The following LPAR1 variants were observed in gnomAD, a reference collection of about 807,000 sequenced individuals.
LPAR1 encodes lysophosphatidic acid receptor 1, also known as LPA receptor 1.
LPAR1 carries 5 observed loss-of-function variants against 23.8 expected under a neutral mutation model. The ratio of observed to expected loss-of-function variants is 0.21; its 90% confidence interval spans 0.11 to 0.44. The LOEUF (loss-of-function observed/expected upper bound fraction) is 0.44, where lower values mean the gene tolerates loss of function less well. Among genes scored for constraint, LPAR1 ranks in the 20% least tolerant of loss-of-function variants. The pLI is 0.99. For missense variants in LPAR1, 311 were observed against 482.8 expected (o/e 0.64, Z 3.33); for synonymous variants, 160 against 164.7 (o/e 0.97, Z 0.22).
chr9:110,876,262 T>A (rs900601911), intron 5 of LPAR1, among the ~76,000 whole-genome samples: 1 of 152,224 alleles, frequency 6.6e-6, no homozygotes, highest in Non-Finnish European at 1.5e-5. Context: ...TTACACCTCA[T>A]AAGGTTTGTT....
At chr9:110,995,718 C>A (rs962996161) in intron 2 of LPAR1, among the ~76,000 whole-genome samples, 13 of 152,228 alleles carry the variant, frequency 8.5e-5, no homozygotes, top group Middle Eastern at 3.4e-3. Context: ...AATAGCATCT[C>A]AAATGTTACC....
At chr9:110,929,697 A>AGT (rs2094267297) in intron 5 of LPAR1, among the ~76,000 whole-genome samples, 1 of 121,254 alleles carries the variant, frequency 8.2e-6, no homozygotes, top group East Asian at 2.2e-4. Flanking sequence ...CCCAGCCAAT[A>AGT]ATGTGTGTGT....
chr9:110,952,785 C>T (rs2095610912), intron 4 of LPAR1, among the ~76,000 whole-genome samples: 1 of 152,166 alleles, frequency 6.6e-6, no homozygotes, highest in Non-Finnish European at 1.5e-5. Flanking sequence ...AGGATCACCC[C>T]GCCCCTGCCT....
At chr9:111,036,704 C>T (rs1387089031) in intron 1 of LPAR1, among the ~76,000 whole-genome samples, 2 of 152,202 alleles carry the variant, frequency 1.3e-5, no homozygotes, top group African/African-American at 2.4e-5. Context: ...GACAACCCAG[C>T]CTTCCCTCCT....
chr9:111,025,782 A>G (rs539918842), intron 2 of LPAR1, among the ~76,000 whole-genome samples: 1 of 152,270 alleles, frequency 6.6e-6, no homozygotes, highest in Admixed American at 6.5e-5. Flanking sequence ...CAGTTTTCCC[A>G]ACACCATTTA....
chr9:110,979,246 A>C (rs757798413), intron 2 of LPAR1, among the ~76,000 whole-genome samples: 2 of 152,102 alleles, frequency 1.3e-5, no homozygotes, highest in Non-Finnish European at 2.9e-5. Context: ...TTCAAAAAAA[A>C]TTCAGTAGAC....
chr9:110,988,076 C>T (rs1046963308), intron 2 of LPAR1, among the ~76,000 whole-genome samples: 3 of 117,258 alleles, frequency 2.6e-5, no homozygotes, highest in African/African-American at 1.1e-4. Context: ...AGGTGATCAA[C>T]ATCTTTAAAA....
chr9:110,901,728 A>G (rs2089116913), intron 5 of LPAR1, among the ~76,000 whole-genome samples: 3 of 146,214 alleles, frequency 2.1e-5, no homozygotes, highest in African/African-American at 4.8e-5. Context: ...CAGCCAAACC[A>G]TATCACAGCA....
intron 2 of LPAR1, among the ~76,000 whole-genome samples, chr9:111,002,822 G>A (rs1054927891): frequency 2.0e-5 from 3 of 152,122 alleles, no homozygotes; most frequent in African/African-American, 4.8e-5. Context: ...AGTCGAAAGC[G>A]CTGTAGGTGT....
intron 2 of LPAR1, among the ~76,000 whole-genome samples, chr9:111,031,349 G>A (rs2097789684): frequency 7.0e-6 from 1 of 143,200 alleles, no homozygotes; most frequent in Non-Finnish European, 1.5e-5. Flanking sequence ...TTGAGCCCAG[G>A]AGTTTGAGAA....
chr9:111,025,645 G>A (rs1449383304), intron 2 of LPAR1, among the ~76,000 whole-genome samples: 1 of 152,130 alleles, frequency 6.6e-6, no homozygotes, highest in East Asian at 1.9e-4. Flanking sequence ...GAATGGTATT[G>A]CTTGGGTTTT....
At chr9:110,988,356 ATAAG>A (rs988317456) in intron 2 of LPAR1, among the ~76,000 whole-genome samples, 1 of 152,056 alleles carries the variant, frequency 6.6e-6, no homozygotes, top group Admixed American at 6.6e-5. Flanking sequence ...ATTTTATTAT[ATAAG>A]TATCTGAAAA....
intron 4 of LPAR1, among the ~76,000 whole-genome samples, chr9:110,944,888 T>C (rs187793838): frequency 6.6e-6 from 1 of 152,316 alleles, no homozygotes; most frequent in Non-Finnish European, 1.5e-5. Context: ...GACTAACTTA[T>C]ACATAAGGTC....
intron 2 of LPAR1, among the ~76,000 whole-genome samples, chr9:110,978,990 C>G (rs1380156371): frequency 6.6e-6 from 1 of 151,870 alleles, no homozygotes; most frequent in Non-Finnish European, 1.5e-5. Flanking sequence ...AGATCTATTG[C>G]AGTTAGGAGG....
In LPAR1 at chr9:110,935,403, G is replaced by A. The variant is rs1166826319; in HGVS notation, c.793+6018C>T. On this transcript the variant is annotated intron_variant, in intron 5 of 5. Coordinates refer to ENST00000683809, the MANE Select transcript of LPAR1 (RefSeq NM_001351411.2). ...GTTCTAAGAATTCTAAATCTGGACC[G>A]ACTCCAGCCTTAAAAAAAAAAAAAG... Among the ~76,000 whole-genome samples the A allele has an allele frequency of 5.6e-5, 7 of 124,078 alleles. No homozygotes were observed. The East Asian group carries it at 1.2e-3, about 21-fold the overall frequency. The allele number at this position is 124,078 out of a possible 152,430, so 81.4% of individuals were successfully genotyped here.
At chr9:111,017,945 G>C (rs993232162) in intron 2 of LPAR1, among the ~76,000 whole-genome samples, 12 of 152,120 alleles carry the variant, frequency 7.9e-5, no homozygotes, top group Non-Finnish European at 1.2e-4. Context: ...CTTGAACCCA[G>C]GAGGTGGAGG....
Position 110,921,187 on chromosome 9 carries a change from TG to T in LPAR1, c.793+20233del, listed in dbSNP as rs141162265. On this transcript the variant is annotated intron_variant, in intron 5 of 5. Coordinates refer to ENST00000683809, the MANE Select transcript of LPAR1 (RefSeq NM_001351411.2). ...CAAAAAACAGGGTGAGGTAGGACGA[TG>T]GCTTGAGACCAGGAGGTTGAGGCTG... Among the ~76,000 whole-genome samples, 14 of 152,248 alleles carry T rather than the reference TG, an allele frequency of 9.2e-5. No homozygotes were observed. The East Asian group carries it at 2.7e-3, about 29-fold the overall frequency.
At chr9:110,953,963 A>G (rs1180208267) in intron 4 of LPAR1, among the ~76,000 whole-genome samples, 1 of 152,134 alleles carries the variant, frequency 6.6e-6, no homozygotes, top group African/African-American at 2.4e-5. Context: ...ACTTGAATGA[A>G]AAAGAAACTT....
chr9:111,026,456 A>G (rs773093831), intron 2 of LPAR1, among the ~76,000 whole-genome samples: 8 of 152,242 alleles, frequency 5.3e-5, no homozygotes, highest in Non-Finnish European at 1.0e-4. Flanking sequence ...TAAATATACA[A>G]TCATGTCATT....
Sources: allele counts gnomAD v4.1 joint callset (sites outside exome capture counted in the v4.1 genomes callset), GRCh38; gene constraint gnomAD v4.1.1; transcripts MANE v1.5; gene names NCBI Gene and HGNC (gene_info 2026-07-23, HGNC 2026-07-21).